Variants in PHF2 observed in about 807,000 individuals in gnomAD.
PHF2 encodes the protein PHD finger protein 2, also known as lysine-specific demethylase PHF2.
A neutral mutation model predicts 120.5 loss-of-function variants in PHF2; 27 were observed. That is an observed-to-expected ratio of 0.22 (90% CI 0.17 to 0.31). The LOEUF is 0.31. Among genes scored for constraint, PHF2 ranks in the 10% least tolerant of loss-of-function variants. The pLI is 1.00. For synonymous variants in PHF2, 568 were observed against 592.5 expected (o/e 0.96, Z 0.60); for missense variants, 1,024 against 1,434.8 (o/e 0.71, Z 4.63).
rs1477146790 is a variant in PHF2 at position 93,675,003 on chromosome 9, C to T, written c.2703C>T (p.Asp901=). The T allele has an allele frequency of 3.7e-6, 6 of 1,613,530 alleles. No homozygotes were observed. The highest frequency in any genetic ancestry group is 1.6e-4 in the Middle Eastern group (1 of 6,084). ...CGAAGAAAAGGAAAGGCTCAGACGA[C>T]GCTCCCTACAGCCCAACAGGTAGTG... ...SRSKKRKGSD[D]APYSPTARVG... is the part of the protein sequence containing the mutation. Residue 901 remains aspartate (D), a synonymous_variant, in exon 19 of 22, where the codon GAC becomes GAT. Coordinates refer to ENST00000359246, the MANE Select transcript of PHF2 (RefSeq NM_005392.4).
intron 2 of PHF2, among the ~76,000 whole-genome samples, chr9:93,633,150 G>T (rs938163144): frequency 6.6e-6 from 1 of 152,190 alleles, no homozygotes; most frequent in Non-Finnish European, 1.5e-5. Context: ...CCCAGAGCGA[G>T]CTGTGCCTGA....
At chr9:93,648,172 G>A (rs1319640121) in intron 4 of PHF2, among the ~76,000 whole-genome samples, 1 of 152,158 alleles carries the variant, frequency 6.6e-6, no homozygotes, top group Non-Finnish European at 1.5e-5. Flanking sequence ...ATTCTATCCT[G>A]TTGGTTTGTT....
intron 1 of PHF2, among the ~76,000 whole-genome samples, chr9:93,584,593 T>C (rs1029921595): frequency 2.6e-5 from 4 of 152,266 alleles, no homozygotes; most frequent in African/African-American, 9.6e-5. Flanking sequence ...TCTATTCCAT[T>C]GGTCTATATG....
chr9:93,662,487 A>G (rs1826588692), intron 12 of PHF2, among the ~76,000 whole-genome samples: 1 of 150,098 alleles, frequency 6.7e-6, no homozygotes, highest in Admixed American at 6.6e-5. Flanking sequence ...GGATGGATGA[A>G]TGGGTGGGTG....
chr9:93,611,382 TC>T (rs1336507707), intron 1 of PHF2, among the ~76,000 whole-genome samples: 2 of 149,184 alleles, frequency 1.3e-5, no homozygotes, highest in East Asian at 3.9e-4. Context: ...GCCATTGCAC[TC>T]CAGCCTGGGC....
At chr9:93,594,002 T>A (rs1825283122) in intron 1 of PHF2, among the ~76,000 whole-genome samples, 2 of 152,230 alleles carry the variant, frequency 1.3e-5, no homozygotes, top group Non-Finnish European at 1.5e-5. Flanking sequence ...TTAGAGGTCA[T>A]ATTGCCTGGC....
chr9:93,672,464 A>G (rs1288787549), intron 17 of PHF2: 1 of 943,596 alleles, frequency 1.1e-6, no homozygotes. Context: ...GGGAGTAGGC[A>G]CAGGTGTGAG....
chr9:93,665,566 T>C, intron 14 of PHF2, 120 bp from the exon 15 acceptor site: 1 of 1,063,554 alleles, frequency 9.4e-7, no homozygotes, highest in African/African-American at 1.6e-5. Context: ...AGTGGCAACG[T>C]CACCTGCCTC....
chr9:93,618,881 GCATATGTTT>G, intron 1 of PHF2, among the ~76,000 whole-genome samples: 2 of 78 alleles, frequency 0.026, no homozygotes, highest in Non-Finnish European at 0.053. Flanking sequence ...CTCTGTGTTT[GCATATGTTT>G]GTGTGTGTGT....
chr9:93,580,175 C>T (rs1490151552), intron 1 of PHF2, among the ~76,000 whole-genome samples: 1 of 152,210 alleles, frequency 6.6e-6, no homozygotes, highest in African/African-American at 2.4e-5. Context: ...TGGCTCATCA[C>T]TCCTGGGGTG....
rs556160622 is a variant in PHF2, at chr9:93,595,671, G to A, written c.98+18800G>A. On this transcript the variant is annotated intron_variant, in intron 1 of 21. Coordinates refer to ENST00000359246, the MANE Select transcript of PHF2 (RefSeq NM_005392.4). ...ATCTTCTGTGAACAAGGATGAGTGC[G>A]GCTGTGCATGCGCCCACTGGGCATA... 4.7e-4 allele frequency among the ~76,000 whole-genome samples: 72 copies of A among 152,220 alleles called. 1 individual carries two copies. The highest frequency in any genetic ancestry group is 8.5e-4 in the Non-Finnish European group (58 of 68,040).
intron 1 of PHF2, among the ~76,000 whole-genome samples, chr9:93,610,731 G>A (rs1185290092): frequency 1.3e-5 from 2 of 152,200 alleles, no homozygotes; most frequent in Non-Finnish European, 2.9e-5. Context: ...ATCCAGAGGA[G>A]GTCACCTGGA....
intron 1 of PHF2, among the ~76,000 whole-genome samples, chr9:93,615,204 G>GGTGATA (rs543751673): frequency 0.37 from 54,396 of 148,586 alleles, 10,391 homozygotes; most frequent in Non-Finnish European, 0.4. Context: ...TGATGATGAT[G>GGTGATA]GTGATGGTGA....
intron 18 of PHF2, among the ~76,000 whole-genome samples, chr9:93,674,420 C>T (rs78521668): frequency 0.01 from 1,536 of 152,218 alleles, 28 homozygotes; most frequent in African/African-American, 0.033. Context: ...TTCATAGCAA[C>T]GGAAGGAGTT....
intron 5 of PHF2, 49 bp from the exon 6 acceptor site, chr9:93,653,129 TA>T: frequency 6.4e-7 from 1 of 1,554,190 alleles, no homozygotes; most frequent in Non-Finnish European, 8.8e-7. Flanking sequence ...GCAGGGGAAA[TA>T]AAAAAGGGAG....
At chr9:93,620,593 T>TGGG (rs1213880592) in intron 1 of PHF2, among the ~76,000 whole-genome samples, 1 of 152,200 alleles carries the variant, frequency 6.6e-6, no homozygotes, top group Admixed American at 6.5e-5. Flanking sequence ...CCACTCTGCA[T>TGGG]TAGTGAGGGG....
chr9:93,647,462 A>T (rs963926563), intron 4 of PHF2, among the ~76,000 whole-genome samples: 8 of 151,852 alleles, frequency 5.3e-5, no homozygotes, highest in Non-Finnish European at 1.0e-4. Context: ...ATTTTTTTTT[A>T]TGATGGAACT....
chr9:93,630,489 T>C (rs1299444476), intron 2 of PHF2, among the ~76,000 whole-genome samples: 1 of 152,214 alleles, frequency 6.6e-6, no homozygotes, highest in Non-Finnish European at 1.5e-5. Flanking sequence ...TGGTGGGCTC[T>C]GTCCTCCCCT....
chr9:93,585,814 C>G (rs1014030900), intron 1 of PHF2, among the ~76,000 whole-genome samples: 8 of 152,204 alleles, frequency 5.3e-5, no homozygotes, highest in African/African-American at 1.9e-4. Flanking sequence ...AAGGCGTATT[C>G]TGTGTATGAA....
Sources: allele counts gnomAD v4.1 joint callset (sites outside exome capture counted in the v4.1 genomes callset), GRCh38; gene constraint gnomAD v4.1.1; transcripts MANE v1.5; gene names NCBI Gene and HGNC (gene_info 2026-07-23, HGNC 2026-07-21).